The following TSHZ3 variants were observed in gnomAD, a reference collection of about 807,000 sequenced individuals.
The protein encoded by TSHZ3 is teashirt homolog 3.
In TSHZ3, 10 loss-of-function variants were observed where a neutral mutation model predicts 64.5. The observed-to-expected ratio is 0.16, with a 90% CI of 0.10 to 0.26. The LOEUF is 0.26. Ranked by LOEUF, TSHZ3 falls within the 10% of genes least tolerant of loss-of-function variation. The pLI is 1.00. For synonymous variants in TSHZ3, 608 were observed against 593.1 expected (o/e 1.03, Z -0.36); for missense variants, 1,242 against 1,421.7 (o/e 0.87, Z 2.03).
At chr19:31,260,305 C>T (rs944110499) in intron 1 of TSHZ3, among the ~76,000 whole-genome samples, 1 of 152,212 alleles carries the variant, frequency 6.6e-6, no homozygotes. Flanking sequence ...TATGTCTGGT[C>T]ATCTCTTGTC....
chr19:31,179,835 G>A lies in TSHZ3; in HGVS notation n.810-23418C>T, dbSNP rs531222794. 4.0e-5 allele frequency among the ~76,000 whole-genome samples: 6 copies of A among 150,698 alleles called. 1 individual carries two copies. The South Asian group carries it at 1.3e-3, about 32-fold the overall frequency. ...TGGTGGTGGTGATGATGGAGGTGGTGGTGGTGGTGGTGGTAGTAAAGATGG... is the reference window on the plus strand; with the variant it reads ...TGGTGGTGGTGATGATGGAGGTGGTAGTGGTGGTGGTGGTAGTAAAGATGG... On this transcript the variant is annotated intron_variant and non_coding_transcript_variant, in intron 5 of 6. Transcript: ENST00000651361.
chr19:31,213,390 A>AAAAAAAAG (rs1173876714), intron 4 of TSHZ3, among the ~76,000 whole-genome samples: 1 of 146,782 alleles, frequency 6.8e-6, no homozygotes, highest in Non-Finnish European at 1.5e-5. Context: ...AAAAAAAAAA[A>AAAAAAAAG]ATCAGTGGTG....
In TSHZ3 at chr19:31,249,657, G is replaced by A. The variant is rs576915778; in HGVS notation, n.64-6782C>T. Among the ~76,000 whole-genome samples the A allele has an allele frequency of 3.3e-4, 51 of 152,256 alleles. No homozygotes were observed. The South Asian group carries it at 9.5e-3, about 29-fold the overall frequency. ...AAAGGTTCAGTTTTGACAAAACCTCGAATACGCCTCCGCTGAGACCTGCTG... is the reference window on the plus strand; with the variant it reads ...AAAGGTTCAGTTTTGACAAAACCTCAAATACGCCTCCGCTGAGACCTGCTG... On this transcript the variant is annotated intron_variant and non_coding_transcript_variant, in intron 1 of 6. Transcript: ENST00000651361.
chr19:31,304,497 T>C (rs1568375265), intron 1 of TSHZ3, among the ~76,000 whole-genome samples: 1 of 130,406 alleles, frequency 7.7e-6, no homozygotes, highest in Non-Finnish European at 1.7e-5. Context: ...ACTGGGACCA[T>C]AACAACAACA....
At chr19:31,248,350 T>C (rs1294250320) in intron 1 of TSHZ3, among the ~76,000 whole-genome samples, 1 of 152,232 alleles carries the variant, frequency 6.6e-6, no homozygotes. Context: ...GCAACTTTTC[T>C]GTAAGCCTGA....
chr19:31,311,501 G>C (rs1301663061), intron 1 of TSHZ3, among the ~76,000 whole-genome samples: 1 of 152,176 alleles, frequency 6.6e-6, no homozygotes, highest in Non-Finnish European at 1.5e-5. Flanking sequence ...TTATGGGAAG[G>C]AGACGTCTTG....
At chr19:31,254,600 T>C (rs539339173) in intron 1 of TSHZ3, among the ~76,000 whole-genome samples, 4 of 152,298 alleles carry the variant, frequency 2.6e-5, no homozygotes, top group African/African-American at 9.6e-5. Flanking sequence ...ACAGATACCG[T>C]TCAATGCGGC....
At chr19:31,332,959 C>T (rs1489697465) in intron 1 of TSHZ3, among the ~76,000 whole-genome samples, 2 of 151,640 alleles carry the variant, frequency 1.3e-5, no homozygotes, top group South Asian at 2.1e-4. Flanking sequence ...AGAAAAATTA[C>T]TCAGGCATGA....
intron 1 of TSHZ3, among the ~76,000 whole-genome samples, chr19:31,296,327 A>ATTTTTTTTTTTTTTTTTTTTTTTTTTT (rs35057697): frequency 2.1e-5 from 2 of 94,024 alleles, no homozygotes; most frequent in Non-Finnish European, 2.0e-5. Context: ...AGTGCTGTGA[A>ATTTTTTTTTTTTTTTTTTTTTTTTTTT]TTTTTTTTTT....
intron 1 of TSHZ3, among the ~76,000 whole-genome samples, chr19:31,307,616 G>A (rs1282864510): frequency 6.6e-6 from 1 of 152,182 alleles, no homozygotes; most frequent in African/African-American, 2.4e-5. Context: ...TTCTGATTGT[G>A]GGTCAGTCGT....
intron 1 of TSHZ3, among the ~76,000 whole-genome samples, chr19:31,244,591 C>T (rs564777497): frequency 1.2e-4 from 18 of 152,222 alleles, no homozygotes; most frequent in Admixed American, 7.8e-4. Context: ...TGGAAGATTG[C>T]CCAAATTGTG....
At chr19:31,162,029 C>T (rs1052051590) in intron 5 of TSHZ3, among the ~76,000 whole-genome samples, 1 of 152,180 alleles carries the variant, frequency 6.6e-6, no homozygotes, top group East Asian at 1.9e-4. Flanking sequence ...AGCTGAGGTA[C>T]CCGGTGAGTA....
intron 4 of TSHZ3, among the ~76,000 whole-genome samples, chr19:31,209,992 T>C (rs1045484551): frequency 1.3e-5 from 2 of 151,922 alleles, no homozygotes; most frequent in African/African-American, 4.8e-5. Context: ...GAAGGGGAGT[T>C]GATTTTGAAG....
intron 5 of TSHZ3, among the ~76,000 whole-genome samples, chr19:31,185,656 C>T (rs933599306): frequency 1.3e-5 from 2 of 152,194 alleles, no homozygotes. Context: ...CCCAGAGACA[C>T]ATTATTTTCT....
Position 31,349,332 on chromosome 19 carries a change from CCCCCCCGGAGAGCGG to C in TSHZ3, c.-128_-114del. ...GGCGAGGCGGGCCTGCTCTCAGCCT[CCCCCCCGGAGAGCGG>C]CCGCCCGCAGGATGCTGCTGCGCCC... On this transcript the variant is annotated 5_prime_UTR_variant, in exon 1 of 2. Coordinates refer to ENST00000240587, the MANE Select transcript of TSHZ3 (RefSeq NM_020856.4). 4 of 1,048,750 alleles carry C rather than the reference CCCCCCCGGAGAGCGG, an allele frequency of 3.8e-6. No homozygotes were observed. The highest frequency in any genetic ancestry group is 5.1e-6 in the Non-Finnish European group (4 of 785,008). 65.0% of individuals were successfully genotyped at this position (1,048,750 alleles called of 1,614,324 possible). A position where few individuals can be genotyped will look rare whatever the true frequency, so the allele number is the denominator to read the frequency against.
At chr19:31,348,593 G>T (rs1363884131) in intron 1 of TSHZ3, among the ~76,000 whole-genome samples, 1 of 152,140 alleles carries the variant, frequency 6.6e-6, no homozygotes, top group Non-Finnish European at 1.5e-5. Flanking sequence ...ACAAACAGGG[G>T]AGAAGGAAAC....
chr19:31,193,601 C>A (rs1974944453), intron 5 of TSHZ3, among the ~76,000 whole-genome samples: 1 of 152,284 alleles, frequency 6.6e-6, no homozygotes, highest in Non-Finnish European at 1.5e-5. Flanking sequence ...GCTGCTTAAC[C>A]TCTTTGTGCC....
chr19:31,208,261 C>A (rs1490774456), intron 4 of TSHZ3, among the ~76,000 whole-genome samples: 1 of 152,164 alleles, frequency 6.6e-6, no homozygotes, highest in Non-Finnish European at 1.5e-5. Context: ...CTGAGCAGCT[C>A]CAGGCCTCTA....
chr19:31,280,382 A>G (rs546808164), intron 1 of TSHZ3, among the ~76,000 whole-genome samples: 1 of 151,942 alleles, frequency 6.6e-6, no homozygotes, highest in East Asian at 1.9e-4. Flanking sequence ...GTCTCAGAAA[A>G]GCTTAGAGGT....
Sources: allele counts gnomAD v4.1 joint callset (sites outside exome capture counted in the v4.1 genomes callset), GRCh38; gene constraint gnomAD v4.1.1; transcripts MANE v1.5; gene names NCBI Gene and HGNC (gene_info 2026-07-23, HGNC 2026-07-21).